KCMF1: variants seen among roughly 807,000 people sequenced by gnomAD.
KCMF1 encodes E3 ubiquitin-protein ligase KCMF1.
KCMF1 carries 3 observed loss-of-function variants against 41.1 expected under a neutral mutation model. That is an observed-to-expected ratio of 0.07 (90% CI 0.03 to 0.19). KCMF1 has a LOEUF of 0.19. Among genes scored for constraint, KCMF1 ranks in the 10% least tolerant of loss-of-function variants. KCMF1 has a pLI of 1.00. For synonymous variants in KCMF1, 142 were observed against 164.5 expected (o/e 0.86, Z 1.04); for missense variants, 286 against 488.9 (o/e 0.58, Z 3.91).
chr2:84,971,570 C>A, intron 1 of KCMF1, 103 bp downstream of exon 1: 2 of 567,088 alleles, frequency 3.5e-6, no homozygotes, highest in African/African-American at 2.0e-5. Context: ...AGACTTTGGC[C>A]GAGCCCGAGC....
chr2:85,018,790 C>T, intron 1 of KCMF1, among the ~76,000 whole-genome samples: 1 of 125,094 alleles, frequency 8.0e-6, no homozygotes. Context: ...CTTTTCAGAA[C>T]TTTGATTTTT....
chr2:85,055,950 A>G lies in KCMF1; in HGVS notation c.*2541A>G, dbSNP rs1675918216. The G allele has an allele frequency of 1.3e-5, 2 of 152,312 alleles. No homozygotes were observed. The highest frequency in any genetic ancestry group is 4.1e-4 in the South Asian group (2 of 4,826). 9.4% of individuals were successfully genotyped at this position (152,312 alleles called of 1,614,324 possible). ...CAGTGCTTGTCTTTACTTCCTGTTT[A>G]GAAATCATTTAAATCTTTCCCCTCG... On this transcript the variant is annotated 3_prime_UTR_variant, in exon 7 of 7. Transcript: ENST00000409785.
At chr2:84,998,977 TC>T (rs1674256706) in intron 1 of KCMF1, among the ~76,000 whole-genome samples, 1 of 142,948 alleles carries the variant, frequency 7.0e-6, no homozygotes, top group African/African-American at 2.6e-5. Context: ...TGTCTGTCTG[TC>T]TATCTACCTA....
At chr2:85,046,811 G>A (rs909309337) in intron 5 of KCMF1, among the ~76,000 whole-genome samples, 4 of 151,944 alleles carry the variant, frequency 2.6e-5, no homozygotes, top group East Asian at 3.9e-4. Flanking sequence ...TAGTCCCCCC[G>A]TCATGTGGTT....
chr2:85,056,457 G>C lies in KCMF1; in HGVS notation c.*3048G>C, dbSNP rs1435524548. The C allele has an allele frequency of 2.0e-5, 3 of 152,082 alleles. No homozygotes were observed. Among genetic ancestry groups the C allele is most frequent in the African/African-American group, 7.2e-5 (3 of 41,416 alleles). 9.4% of individuals were successfully genotyped at this position (152,082 alleles called of 1,614,324 possible). ...GTTCTCTTGATACGTCCAAGCCTTAGTTTCCAGGAAAAAAGCTAGGCTCCT... is the reference window on the plus strand; with the variant it reads ...GTTCTCTTGATACGTCCAAGCCTTACTTTCCAGGAAAAAAGCTAGGCTCCT... On this transcript the variant is annotated 3_prime_UTR_variant, in exon 7 of 7. Coordinates refer to ENST00000409785, the MANE Select transcript of KCMF1 (RefSeq NM_020122.5).
At chr2:85,036,603 G>A (rs909079000) in intron 3 of KCMF1, among the ~76,000 whole-genome samples, 1 of 151,958 alleles carries the variant, frequency 6.6e-6, no homozygotes, top group Non-Finnish European at 1.5e-5. Context: ...AGATTGGCCT[G>A]GACAACAAAG....
rs375376480 is a variant in KCMF1 at position 85,028,016 on chromosome 2, T to C, written c.144T>C (p.Thr48=). ...ESGATTTRHT[T]DHPMQCILTR... is the part of the protein sequence containing the mutation. ...GTGCAACAACAACAAGGCATACAACTGACCACCCAATGCAGTGCATATTAA... is the reference window on the plus strand; with the variant it reads ...GTGCAACAACAACAAGGCATACAACCGACCACCCAATGCAGTGCATATTAA... The change falls in exon 2 of 7, where the codon ACT becomes ACC. Residue 48 remains threonine (T), a synonymous_variant. Transcript: ENST00000409785. 1.9e-6 allele frequency: 3 copies of C among 1,611,322 alleles called. No homozygotes were observed. The African/African-American group carries it at 4.0e-5, about 22-fold the overall frequency.
intron 1 of KCMF1, among the ~76,000 whole-genome samples, chr2:85,025,700 C>G (rs1385212756): frequency 6.6e-6 from 1 of 152,052 alleles, no homozygotes; most frequent in Non-Finnish European, 1.5e-5. Context: ...CCTCTGCCTC[C>G]TGGGTTCAAG....
intron 1 of KCMF1, among the ~76,000 whole-genome samples, chr2:84,974,679 ATATATATATATATTTTTTTTTTTTT>A (rs1673492314): frequency 5.5e-5 from 2 of 36,308 alleles, no homozygotes; most frequent in African/African-American, 2.6e-4. Flanking sequence ...ATATATATAT[ATATATATATATATTTTTTTTTTTTT>A]TTTTTTTTTT....
At chr2:85,043,305 T>C (rs1372316319) in intron 3 of KCMF1, among the ~76,000 whole-genome samples, 1 of 152,188 alleles carries the variant, frequency 6.6e-6, no homozygotes, top group Non-Finnish European at 1.5e-5. Context: ...TGCTAGACCA[T>C]ACAAATGAAT....
rs1291808105 is a variant in KCMF1, at chr2:85,054,217, T to A, written c.*808T>A. 6.6e-6 allele frequency: 1 copy of A among 152,262 alleles called. No homozygotes were observed. Among genetic ancestry groups the A allele is most frequent in the Admixed American group, 6.5e-5 (1 of 15,288 alleles). The allele number at this position is 152,262 out of a possible 1,614,324, so 9.4% of individuals were successfully genotyped here. A position where few individuals can be genotyped will look rare whatever the true frequency, so the allele number is the denominator to read the frequency against. ...CTTTTTGTGGTTGTTTAAAATTTTT[T>A]CAATTGTTAAATATGTTTTATTCAG... On this transcript the variant is annotated 3_prime_UTR_variant, in exon 7 of 7. Transcript: ENST00000409785.
In KCMF1 at chr2:84,971,385, C is replaced by T. The variant is rs1359086734; in HGVS notation, c.-67C>T. 12 of 1,070,310 alleles carry T rather than the reference C, an allele frequency of 1.1e-5. No homozygotes were observed. Among genetic ancestry groups the T allele is most frequent in the Non-Finnish European group, 1.4e-5 (12 of 876,324 alleles). 66.3% of individuals were successfully genotyped at this position (1,070,310 alleles called of 1,614,324 possible). ...GTCGGCCGGCCGGCGCGGGCAGCGC[C>T]GGGACCCCGCGGGGGACACTGCAGC... On this transcript the variant is annotated 5_prime_UTR_variant, in exon 1 of 7. Coordinates refer to ENST00000409785, the MANE Select transcript of KCMF1 (RefSeq NM_020122.5).
intron 6 of KCMF1, among the ~76,000 whole-genome samples, chr2:85,052,521 A>G (rs1437189135): frequency 6.6e-6 from 1 of 152,212 alleles, no homozygotes; most frequent in Non-Finnish European, 1.5e-5. Context: ...GTTTCCCAGC[A>G]TAGCCCAGAT....
rs913539851 is a variant in KCMF1 at position 85,022,835 on chromosome 2, G to A, written c.17-5054G>A. ...TTTTCCTTTTATAGTTTTACTACAT[G>A]TTTGATTTCCTAAACTAGATACTGG... On this transcript the variant is annotated intron_variant, in intron 1 of 6. Transcript: ENST00000409785. Among the ~76,000 whole-genome samples the A allele has an allele frequency of 8.9e-5, 13 of 145,416 alleles. No individual in the cohort carries two copies. In the East Asian group the frequency reaches 2.6e-3, roughly 29 times the overall value.
chr2:84,981,007 G>A (rs1416020445), intron 1 of KCMF1, among the ~76,000 whole-genome samples: 1 of 151,708 alleles, frequency 6.6e-6, no homozygotes, highest in Admixed American at 6.6e-5. Context: ...GTGGCCACGG[G>A]GGTACTGGCA....
At chr2:85,028,424 A>G (rs532441590) in intron 2 of KCMF1, among the ~76,000 whole-genome samples, 80 of 150,490 alleles carry the variant, frequency 5.3e-4, no homozygotes, top group African/African-American at 6.9e-4. Context: ...ACCTCAGTCA[A>G]TCTGCCCGAC....
chr2:85,038,347 A>G (rs1010701978), intron 3 of KCMF1, among the ~76,000 whole-genome samples: 1 of 152,214 alleles, frequency 6.6e-6, no homozygotes, highest in African/African-American at 2.4e-5. Context: ...TATTGGCAAA[A>G]TGGATGGCCA....
Position 85,053,470 on chromosome 2 carries a change from A to G in KCMF1, c.*61A>G. 2 of 1,504,744 alleles carry G rather than the reference A, an allele frequency of 1.3e-6. No homozygotes were observed. The highest frequency in any genetic ancestry group is 1.8e-6 in the Non-Finnish European group (2 of 1,116,408). 93.2% of individuals were successfully genotyped at this position (1,504,744 alleles called of 1,614,324 possible). Reference sequence around the variant, plus strand: ...GTATTTGCCAATGAAAGTGGACAACAACTATCTTGGGTTTGTTTGGTGATT... The same window carrying G: ...GTATTTGCCAATGAAAGTGGACAACGACTATCTTGGGTTTGTTTGGTGATT... On this transcript the variant is annotated 3_prime_UTR_variant, in exon 7 of 7. Transcript: ENST00000409785.
At chr2:85,048,636 G>A (rs1354557953) in intron 5 of KCMF1, among the ~76,000 whole-genome samples, 2 of 152,210 alleles carry the variant, frequency 1.3e-5, no homozygotes, top group Admixed American at 6.5e-5. Context: ...ATGAGGATGC[G>A]GGGACAAAAG....
Sources: allele counts gnomAD v4.1 joint callset (sites outside exome capture counted in the v4.1 genomes callset), GRCh38; gene constraint gnomAD v4.1.1; transcripts MANE v1.5; gene names NCBI Gene and HGNC (gene_info 2026-07-23, HGNC 2026-07-21).